The following FN1 variants were observed in gnomAD, a reference collection of about 807,000 sequenced individuals.
FN1 encodes fibronectin.
A neutral mutation model predicts 297.3 loss-of-function variants in FN1; 106 were observed. The observed-to-expected ratio is 0.36, with a 90% CI of 0.30 to 0.42. The LOEUF (loss-of-function observed/expected upper bound fraction) is 0.42. FN1 is among the 10% of genes least tolerant of loss of function. FN1 has a pLI of 1.00. For synonymous variants in FN1, 1,149 were observed against 1,152.6 expected (o/e 1.00, Z 0.06); for missense variants, 2,690 against 3,124.9 (o/e 0.86, Z 3.32).
At chr2:215,415,553 C>T (rs2063318904) in intron 12 of FN1, among the ~76,000 whole-genome samples, 1 of 152,216 alleles carries the variant, frequency 6.6e-6, no homozygotes, top group South Asian at 2.1e-4. Context: ...TTGGAAAAAA[C>T]ATCAAGTTTT....
At chr2:215,404,765 TA>T in intron 19 of FN1, 110 bp from the exon 20 acceptor site, 1 of 1,052,922 alleles carries the variant, frequency 9.5e-7, no homozygotes, top group Non-Finnish European at 1.5e-6. Flanking sequence ...AGGTTGTAAC[TA>T]TGTGAAAGTC....
chr2:215,432,521 C>A (rs2066707781), intron 3 of FN1, among the ~76,000 whole-genome samples: 2 of 152,218 alleles, frequency 1.3e-5, no homozygotes, highest in Non-Finnish European at 2.9e-5. Flanking sequence ...ACCCTTGCCT[C>A]TTGCGATTTG....
At chr2:215,414,131 A>C (rs976919331) in intron 13 of FN1, among the ~76,000 whole-genome samples, 3 of 152,340 alleles carry the variant, frequency 2.0e-5, no homozygotes, top group Admixed American at 2.0e-4. Flanking sequence ...CCTGTGTTTA[A>C]AACAGTGTTT....
chr2:215,405,907 G>T (rs1344152967), intron 19 of FN1, among the ~76,000 whole-genome samples: 1 of 152,090 alleles, frequency 6.6e-6, no homozygotes, highest in African/African-American at 2.4e-5. Context: ...TACTCTAAGT[G>T]TTATGATCCT....
rs746354703 is a variant in FN1, at chr2:215,370,403, G to C, written c.6744C>G (p.Ala2248=). The part of the protein sequence containing the change: ...QFRVPGTSTS[A]TLTGLTRGAT... Reference sequence around the variant, plus strand: ...CACCTCTGGTGAGGCCTGTCAGAGTGGCACTGGTAGAAGTTCCAGGAACCC... The same window carrying C: ...CACCTCTGGTGAGGCCTGTCAGAGTCGCACTGGTAGAAGTTCCAGGAACCC... The change falls in exon 41 of 46, where the codon GCC becomes GCG. Residue 2248 remains alanine, a synonymous_variant. Coordinates refer to ENST00000354785, the MANE Select transcript of FN1 (RefSeq NM_212482.4). 1.2e-6 allele frequency: 2 copies of C among 1,613,870 alleles called. No homozygotes were observed. Among genetic ancestry groups the C allele is most frequent in the Non-Finnish European group, 1.7e-6 (2 of 1,179,870 alleles).
At chr2:215,410,303 C>T (rs757060400) in intron 13 of FN1, among the ~76,000 whole-genome samples, 189 bp from the exon 14 acceptor site, 3 of 152,140 alleles carry the variant, frequency 2.0e-5, no homozygotes, top group Non-Finnish European at 2.9e-5. Context: ...AGATATAATG[C>T]TAACTATTGT....
In FN1 at chr2:215,362,089, T is replaced by A. The variant is rs762925169; in HGVS notation, c.7252-10A>T. On this transcript the variant is annotated splice_polypyrimidine_tract_variant and intron_variant, in intron 44 of 45. Transcript: ENST00000354785. ...TGTCACAGCGCCAGCCCTGAGAGAG[T>A]AGAGGCATGAAGTCAAATGGGGTTT... is the stretch of plus-strand genomic sequence containing the variant. 1.2e-6 allele frequency: 2 copies of A among 1,606,652 alleles called. No individual in the cohort carries two copies. The highest frequency in any genetic ancestry group is 3.3e-5 in the Admixed American group (2 of 59,996).
At chr2:215,370,872 C>T (rs968008349) in intron 40 of FN1, among the ~76,000 whole-genome samples, 3 of 152,164 alleles carry the variant, frequency 2.0e-5, no homozygotes, top group African/African-American at 7.2e-5. Flanking sequence ...AACAGTTGGG[C>T]AAATCCTCAA....
Position 215,375,266 on chromosome 2 carries a change from G to C in FN1, c.6105C>G (p.Pro2035=), listed in dbSNP as rs1261769884. 6.2e-7 allele frequency: 1 copy of C among 1,614,146 alleles called. No homozygotes were observed. Among genetic ancestry groups the C allele is most frequent in the Admixed American group, 1.7e-5 (1 of 60,030 alleles). Residue 2035 remains proline (P), a synonymous_variant, in exon 38 of 46, where the codon CCC becomes CCG. Coordinates refer to ENST00000354785, the MANE Select transcript of FN1 (RefSeq NM_212482.4). ...IIKYEKPGSP[P]REVVPRPRPG... ...GGCGGGGCCGAGGGACCACTTCTCTGGGAGGAGACCCAGGCTTCTCATACT... is the reference window on the plus strand; with the variant it reads ...GGCGGGGCCGAGGGACCACTTCTCTCGGAGGAGACCCAGGCTTCTCATACT...
At chr2:215,373,192 C>T (rs1204639875) in intron 39 of FN1, 130 bp downstream of exon 39, 1 of 723,854 alleles carries the variant, frequency 1.4e-6, no homozygotes, top group African/African-American at 1.7e-5. Context: ...AATATATACA[C>T]TATGCTGTTA....
intron 13 of FN1, among the ~76,000 whole-genome samples, chr2:215,414,259 T>A (rs2063107426): frequency 6.6e-6 from 1 of 152,152 alleles, no homozygotes; most frequent in African/African-American, 2.4e-5. Context: ...TCTAGTCACT[T>A]CTCATTAGGA....
At position 215,435,766 on chromosome 2, in the gene FN1, C is replaced by T; in HGVS notation, c.37G>A (p.Ala13Thr). The change falls in exon 1 of 46, where the codon GCC (alanine) becomes ACC (threonine). Residue 13 changes from alanine to threonine, a missense_variant. Transcript: ENST00000354785. Reference protein sequence around the residue: ...RGPGPGLLLLAVQCLGTAVPS... With the variant: ...RGPGPGLLLLTVQCLGTAVPS... ...ACCGCTGTCCCCAGGCACTGGACGGCCAGCAGCAGCAGCCCGGGCCCCGGA... is the reference window on the plus strand; with the variant it reads ...ACCGCTGTCCCCAGGCACTGGACGGTCAGCAGCAGCAGCCCGGGCCCCGGA... 6.3e-7 allele frequency: 1 copy of T among 1,585,426 alleles called. No individual in the cohort carries two copies.
In FN1 at chr2:215,406,486, A is replaced by AG; in HGVS notation, c.2737dup (p.Leu913ProfsTer19). The AG allele has an allele frequency of 6.2e-7, 1 of 1,614,080 alleles. No individual in the cohort carries two copies. Among genetic ancestry groups the AG allele is most frequent in the Non-Finnish European group, 8.5e-7 (1 of 1,180,008 alleles). On this transcript the variant is annotated frameshift_variant, in exon 19 of 46. Coordinates refer to ENST00000354785, the MANE Select transcript of FN1 (RefSeq NM_212482.4). LOFTEE classifies it high-confidence loss of function. ...CACGTCTGTCACTTCCACAAACTGC[A>AG]GGTCCCTGGGAGAGGGCACTGTATC...
intron 38 of FN1, among the ~76,000 whole-genome samples, chr2:215,374,953 T>TATC (rs1245403143): frequency 6.6e-6 from 1 of 152,230 alleles, no homozygotes; most frequent in Admixed American, 6.5e-5. Context: ...AATTGACAGG[T>TATC]ATCTGGCAAA....
At chr2:215,372,468 G>A (rs143610064) in intron 39 of FN1, 93 bp from the exon 40 acceptor site, 17 of 934,390 alleles carry the variant, frequency 1.8e-5, no homozygotes, top group Non-Finnish European at 2.9e-5. Flanking sequence ...AACAATGACT[G>A]TTCATCAATT....
Position 215,407,335 on chromosome 2 carries a change from A to G in FN1, c.2519-14T>C. On this transcript the variant is annotated splice_polypyrimidine_tract_variant and intron_variant, in intron 17 of 45. Coordinates refer to ENST00000354785, the MANE Select transcript of FN1 (RefSeq NM_212482.4). ...CTATTCTGTACCCTGCAGATTCATGAGCAAAAGTAAGATGCACTGTTTTCT... is the reference window on the plus strand; with the variant it reads ...CTATTCTGTACCCTGCAGATTCATGGGCAAAAGTAAGATGCACTGTTTTCT... 1 of 1,608,210 alleles carries G rather than the reference A, an allele frequency of 6.2e-7. No individual in the cohort carries two copies. The highest frequency in any genetic ancestry group is 8.5e-7 in the Non-Finnish European group (1 of 1,174,652).
At chr2:215,391,868 A>ACT in intron 25 of FN1, 54 bp from the exon 26 acceptor site, 1 of 1,511,338 alleles carries the variant, frequency 6.6e-7, no homozygotes, top group Non-Finnish European at 9.2e-7. Context: ...AATTAAAGCT[A>ACT]ACGAAGTAGC....
At chr2:215,424,050 G>T in intron 8 of FN1, 96 bp downstream of exon 8, 1 of 1,232,774 alleles carries the variant, frequency 8.1e-7, no homozygotes, top group Non-Finnish European at 1.2e-6. Flanking sequence ...TGCTTCTTGG[G>T]CGGGTTCAAA....
chr2:215,371,834 G>A (rs991015087), intron 40 of FN1, 75 bp downstream of exon 40: 36 of 1,325,298 alleles, frequency 2.7e-5, no homozygotes, highest in Non-Finnish European at 3.7e-5. Context: ...TTTTATTCGA[G>A]GGCTGGTCAC....
Sources: allele counts gnomAD v4.1 joint callset (sites outside exome capture counted in the v4.1 genomes callset), GRCh38; gene constraint gnomAD v4.1.1; transcripts MANE v1.5; gene names NCBI Gene and HGNC (gene_info 2026-07-23, HGNC 2026-07-21).